Variants in AKAP14 observed in about 807,000 individuals in gnomAD.
AKAP14 encodes A-kinase anchor protein 14.
In AKAP14, 4 loss-of-function variants were observed where a neutral mutation model predicts 17.0. The observed-to-expected ratio is 0.23, with a 90% CI of 0.12 to 0.54. The LOEUF is 0.54. Among genes scored for constraint, AKAP14 ranks in the 20% least tolerant of loss-of-function variants. The pLI, the probability that AKAP14 is intolerant of heterozygous loss-of-function variation, is 0.95. For missense variants in AKAP14, 129 were observed against 150.9 expected (o/e 0.85, Z 0.76); for synonymous variants, 42 against 51.3 (o/e 0.82, Z 0.77).
At chrX:119,906,849 G>T (rs1293573646) in intron 4 of AKAP14, among the ~76,000 whole-genome samples, 1 of 111,896 alleles carries the variant, frequency 8.9e-6, no homozygotes, top group Non-Finnish European at 1.9e-5. Flanking sequence ...CGGCCAAAGT[G>T]TGAGGCATTT....
At chrX:119,900,282 G>A (rs76017288) in intron 2 of AKAP14, among the ~76,000 whole-genome samples, 2 of 110,259 alleles carry the variant, frequency 1.8e-5, no homozygotes, top group African/African-American at 3.4e-5. Flanking sequence ...TAGTAGAGAC[G>A]GGGTTTTGCC....
intron 5 of AKAP14, among the ~76,000 whole-genome samples, chrX:119,918,468 G>T (rs2056671309): frequency 8.9e-6 from 1 of 111,964 alleles, no homozygotes; most frequent in African/African-American, 3.2e-5. Flanking sequence ...CTGACCTGAG[G>T]TGGTCCATCT....
intron 4 of AKAP14, among the ~76,000 whole-genome samples, chrX:119,904,262 C>T (rs1366268759): frequency 2.7e-5 from 3 of 112,027 alleles, no homozygotes; most frequent in Non-Finnish European, 5.6e-5. Context: ...TAGAATGCTC[C>T]TGTTAACAGA....
At chrX:119,899,993 A>T (rs992925298) in intron 2 of AKAP14, among the ~76,000 whole-genome samples, 13 of 111,252 alleles carry the variant, frequency 1.2e-4, no homozygotes, top group Non-Finnish European at 2.3e-4. Flanking sequence ...CAGCGACACA[A>T]TCTCGGCTCA....
rs1569470135 is a variant in AKAP14 at position 119,914,883 on chromosome X, G to A, written c.441+5G>A. The A allele has an allele frequency of 1.2e-5, 14 of 1,199,019 alleles. No homozygotes were observed. The highest frequency in any genetic ancestry group is 1.6e-5 in the Non-Finnish European group (14 of 888,273). ...GTCTCCAAAACCAAACCACCGGTAA[G>A]TTCTTCTTTTTCTCCCTTCAGTGAG... On this transcript the variant is annotated splice_donor_5th_base_variant and intron_variant, in intron 5 of 6. Coordinates refer to ENST00000371431, the MANE Select transcript of AKAP14 (RefSeq NM_178813.6).
At chrX:119,903,990 C>A (rs1343616583) in intron 4 of AKAP14, among the ~76,000 whole-genome samples, 1 of 111,461 alleles carries the variant, frequency 9.0e-6, no homozygotes, top group Admixed American at 9.6e-5. Flanking sequence ...GTCACCGAGG[C>A]TGCAGTGCAG....
chrX:119,903,709 A>C (rs1448965102), intron 4 of AKAP14, 123 bp downstream of exon 4: 28 of 1,117,644 alleles, frequency 2.5e-5, no homozygotes, highest in Admixed American at 5.4e-5. Flanking sequence ...GGCTGACTAG[A>C]ATAAGTAAAC....
In AKAP14 at chrX:119,917,484, A is replaced by G. The variant is rs1464396668; in HGVS notation, c.442-2427A>G. 3.6e-5 allele frequency among the ~76,000 whole-genome samples: 4 copies of G among 112,232 alleles called. No homozygotes were observed. The East Asian group carries it at 8.4e-4, about 24-fold the overall frequency. On this transcript the variant is annotated intron_variant, in intron 5 of 6. Transcript: ENST00000371431. ...GCCAGGCGTGGTGGCTCATGCCTAT[A>G]ATCCCAGTAACTCGGGAGGCTGAGG...
chrX:119,896,109 T>C (rs1268897879), intron 1 of AKAP14, 46 bp from the exon 2 acceptor site: 3 of 110,696 alleles, frequency 2.7e-5, no homozygotes, highest in African/African-American at 6.6e-5. Flanking sequence ...GTCAGAAACA[T>C]GTAGGCTATG....
chrX:119,918,965 G>A (rs138293391), intron 5 of AKAP14, among the ~76,000 whole-genome samples: 5,253 of 111,533 alleles, frequency 0.047, 136 homozygotes, highest in African/African-American at 0.098. Flanking sequence ...TATTCAGAGC[G>A]TTTGGAACCT....
At position 119,920,064 on chromosome X, in the gene AKAP14, C is replaced by T. The variant is rs1283911656; in HGVS notation, c.494+101C>T. 8.0e-6 allele frequency: 7 copies of T among 874,821 alleles called. No homozygotes were observed. In the East Asian group the frequency reaches 2.2e-4, roughly 28 times the overall value. 72.1% of individuals were successfully genotyped at this position (874,821 alleles called of 1,213,427 possible). ...AACAACAGATAGTTCATGTAATGGTCACTTTTCTTCTTTGGACCACCAAGC... is the reference window on the plus strand; with the variant it reads ...AACAACAGATAGTTCATGTAATGGTTACTTTTCTTCTTTGGACCACCAAGC... On this transcript the variant is annotated intron_variant, in intron 6 of 6. Transcript: ENST00000371431.
intron 4 of AKAP14, among the ~76,000 whole-genome samples, chrX:119,906,223 T>TTC (rs2056596085): frequency 1.1e-5 from 1 of 94,899 alleles, no homozygotes; most frequent in African/African-American, 4.4e-5. Context: ...TGCCTGGCAT[T>TTC]TCTTTTTTTT....
At chrX:119,905,862 C>A (rs897879181) in intron 4 of AKAP14, among the ~76,000 whole-genome samples, 2 of 111,527 alleles carry the variant, frequency 1.8e-5, no homozygotes, top group Non-Finnish European at 3.8e-5. Context: ...TTTTTCCCTT[C>A]GCACTTCTTT....
At chrX:119,913,645 G>A (rs745770782) in intron 4 of AKAP14, among the ~76,000 whole-genome samples, 1 of 111,431 alleles carries the variant, frequency 9.0e-6, no homozygotes, top group African/African-American at 3.2e-5. Context: ...GCGTGGTGGC[G>A]CATGCCTGTA....
Position 119,897,305 on chromosome X carries a change from A to G in AKAP14, c.-11+1038A>G, listed in dbSNP as rs780540148. Among the ~76,000 whole-genome samples, 97 of 108,784 alleles carry G rather than the reference A, an allele frequency of 8.9e-4. 1 individual carries two copies. Among genetic ancestry groups the G allele is most frequent in the African/African-American group, 2.2e-3 (65 of 29,893 alleles). 94.5% of individuals were successfully genotyped at this position (108,784 alleles called of 115,157 possible). ...CCCCCAAGTAGCTGGGACTACAGGC[A>G]CCCGCCACCACGGCTGGCTAATTTT... On this transcript the variant is annotated intron_variant, in intron 2 of 6. Transcript: ENST00000371431.
In AKAP14 at chrX:119,920,000, G is replaced by C. The variant is rs375701424; in HGVS notation, c.494+37G>C. ...TTGGAGGTTTGTTTTAAAAGGGTGG[G>C]AGAAAGGTCATCACACTCCAGGAAT... On this transcript the variant is annotated intron_variant, in intron 6 of 6. Coordinates refer to ENST00000371431, the MANE Select transcript of AKAP14 (RefSeq NM_178813.6). The C allele has an allele frequency of 1.3e-5, 15 of 1,168,570 alleles. No homozygotes were observed. In the African/African-American group the frequency reaches 2.7e-4, roughly 21 times the overall value.
chrX:119,902,450 C>T (rs756195140), intron 2 of AKAP14, among the ~76,000 whole-genome samples: 1 of 109,934 alleles, frequency 9.1e-6, no homozygotes, highest in East Asian at 2.9e-4. Context: ...TGGTTTCAAA[C>T]TCATAGCCTC....
intron 2 of AKAP14, among the ~76,000 whole-genome samples, chrX:119,897,722 T>C (rs1375303557): frequency 9.0e-6 from 1 of 111,725 alleles, no homozygotes; most frequent in African/African-American, 3.2e-5. Context: ...CTCTGTGTGC[T>C]CTGGCAGATG....
At chrX:119,905,267 C>T (rs2056591164) in intron 4 of AKAP14, among the ~76,000 whole-genome samples, 1 of 111,913 alleles carries the variant, frequency 8.9e-6, no homozygotes, top group African/African-American at 3.2e-5. Context: ...ATTTCTGGCT[C>T]CACGCCTTCT....
Sources: allele counts gnomAD v4.1 joint callset (sites outside exome capture counted in the v4.1 genomes callset), GRCh38; gene constraint gnomAD v4.1.1; transcripts MANE v1.5; gene names NCBI Gene and HGNC (gene_info 2026-07-23, HGNC 2026-07-21).